CCDC178: variants seen among roughly 807,000 people sequenced by gnomAD.
CCDC178 encodes the protein coiled-coil domain containing 178.
CCDC178 carries 126 observed loss-of-function variants against 117.4 expected under a neutral mutation model. The ratio of observed to expected loss-of-function variants is 1.07; its 90% CI spans 0.93 to 1.24. The LOEUF (loss-of-function observed/expected upper bound fraction) is 1.24, where lower values mean the gene tolerates loss of function less well. Among genes scored for constraint, CCDC178 ranks in the 50% most tolerant of loss-of-function variants. The pLI, the probability that CCDC178 is intolerant of heterozygous loss-of-function variation, is 0.00. For missense variants in CCDC178, 1,030 were observed against 986.9 expected (o/e 1.04, Z -0.59); for synonymous variants, 283 against 313.4 (o/e 0.90, Z 1.02).
chr18:33,198,445 T>C (rs535840028), intron 20 of CCDC178, among the ~76,000 whole-genome samples: 2 of 152,268 alleles, frequency 1.3e-5, no homozygotes, highest in South Asian at 2.1e-4. Flanking sequence ...TTATGCAACA[T>C]TAAATTCATT....
chr18:33,229,080 T>C (rs1177256280), intron 15 of CCDC178, among the ~76,000 whole-genome samples: 6 of 152,242 alleles, frequency 3.9e-5, no homozygotes, highest in African/African-American at 1.2e-4. Flanking sequence ...GTTTAGTGTA[T>C]AGGATACTTA....
intron 5 of CCDC178, among the ~76,000 whole-genome samples, chr18:33,371,283 GTGTA>G (rs199651682): frequency 6.9e-6 from 1 of 145,218 alleles, no homozygotes; most frequent in Admixed American, 6.9e-5. Flanking sequence ...ATGTGTGTGT[GTGTA>G]TATATGTGTA....
At chr18:32,952,004 G>A (rs376460766) in intron 22 of CCDC178, among the ~76,000 whole-genome samples, 84 of 152,318 alleles carry the variant, frequency 5.5e-4, no homozygotes, top group East Asian at 3.9e-3. Context: ...TCATGCTGAC[G>A]TAAGAGGTAG....
At position 33,397,153 on chromosome 18, in the gene CCDC178, A is replaced by G. The variant is rs771602680; in HGVS notation, c.114T>C (p.Asn38=). ...TATATAATAGCTGTTGGATACCTTC[A>G]TTTGTCCTTGACCATGCCTTCTCTC... is the stretch of plus-strand genomic sequence containing the variant. ...ALREKAWSRT[N]EGNAMSQSLV... Residue 38 remains asparagine, a synonymous_variant, in exon 4 of 23, where the codon AAT becomes AAC. Transcript: ENST00000383096. 3 of 1,596,102 alleles carry G rather than the reference A, an allele frequency of 1.9e-6. No homozygotes were observed. The South Asian group carries it at 3.3e-5, about 18-fold the overall frequency.
rs139085014 is a variant in CCDC178 at position 33,042,788 on chromosome 18, A to G, written c.2388+49973T>C. On this transcript the variant is annotated intron_variant, in intron 21 of 22. Coordinates refer to ENST00000383096, the MANE Select transcript of CCDC178 (RefSeq NM_001105528.4). Reference sequence around the variant, plus strand: ...TGAGAAAAATATTACTAATTTTTGAATCAAGGTGTAGGCTGTATACTCATT... The same window carrying G: ...TGAGAAAAATATTACTAATTTTTGAGTCAAGGTGTAGGCTGTATACTCATT... 1.8e-3 allele frequency among the ~76,000 whole-genome samples: 269 copies of G among 152,106 alleles called. 2 individuals are homozygous for G. The highest frequency in any genetic ancestry group is 6.2e-3 in the African/African-American group (258 of 41,558).
In CCDC178 at chr18:33,293,161, T is replaced by A. The variant is rs1258100582; in HGVS notation, c.1174A>T (p.Met392Leu). Residue 392 changes from methionine (M) to leucine (L), a missense_variant and splice_region_variant, in exon 12 of 23, where the codon ATG becomes TTG. Coordinates refer to ENST00000383096, the MANE Select transcript of CCDC178 (RefSeq NM_001105528.4). ...TATTTCTAATATGAAAAACTCACCA[T>A]TTTTGATAGAGAATGTAATTCATTT... ...SKNELHSLSKMLEDLRRVYDQ... is the reference protein window; with the variant it reads ...SKNELHSLSKLLEDLRRVYDQ... 1 of 1,559,826 alleles carries A rather than the reference T, an allele frequency of 6.4e-7. No homozygotes were observed. Among genetic ancestry groups the A allele is most frequent in the Non-Finnish European group, 8.7e-7 (1 of 1,148,996 alleles).
intron 20 of CCDC178, among the ~76,000 whole-genome samples, chr18:33,142,702 A>G (rs2058221613): frequency 6.6e-6 from 1 of 152,204 alleles, no homozygotes; most frequent in African/African-American, 2.4e-5. Context: ...GGGCCTGTAG[A>G]ATGATATTAA....
At chr18:33,090,271 GAAT>G (rs1474447535) in intron 21 of CCDC178, among the ~76,000 whole-genome samples, 2 of 152,122 alleles carry the variant, frequency 1.3e-5, no homozygotes, top group Non-Finnish European at 2.9e-5. Flanking sequence ...TGTATAGAGA[GAAT>G]AATAGTCCCT....
At chr18:33,199,994 T>G (rs1211469925) in intron 20 of CCDC178, among the ~76,000 whole-genome samples, 5 of 152,176 alleles carry the variant, frequency 3.3e-5, no homozygotes, top group African/African-American at 7.2e-5. Context: ...GGACAATTCC[T>G]CTCACCATCA....
intron 9 of CCDC178, among the ~76,000 whole-genome samples, chr18:33,338,090 A>C (rs2062765804): frequency 6.6e-6 from 1 of 152,182 alleles, no homozygotes; most frequent in South Asian, 2.1e-4. Context: ...AAATGGGCTA[A>C]GGATATGAGT....
rs528617393 is a variant in CCDC178 at position 33,429,716 on chromosome 18, A to T, written c.-23+10246T>A. Among the ~76,000 whole-genome samples the T allele has an allele frequency of 1.9e-4, 29 of 152,212 alleles. 1 individual carries two copies. Among genetic ancestry groups the T allele is most frequent in the South Asian group, 6.2e-4 (3 of 4,836 alleles). On this transcript the variant is annotated intron_variant, in intron 2 of 22. Coordinates refer to ENST00000383096, the MANE Select transcript of CCDC178 (RefSeq NM_001105528.4). ...ACAAATGTAAAGAAAAATCACTTTT[A>T]TCTAGCAAATTTAAATTCAGATAAC...
intron 14 of CCDC178, among the ~76,000 whole-genome samples, chr18:33,251,029 G>C (rs1432943231): frequency 6.6e-6 from 1 of 151,592 alleles, no homozygotes; most frequent in African/African-American, 2.4e-5. Flanking sequence ...ATTGACACTG[G>C]ATCCAGAATA....
intron 12 of CCDC178, among the ~76,000 whole-genome samples, chr18:33,267,792 C>A (rs2059836410): frequency 6.6e-6 from 1 of 150,830 alleles, no homozygotes; most frequent in Non-Finnish European, 1.5e-5. Flanking sequence ...AATTAAATAC[C>A]TAGAAAAATA....
At chr18:33,408,974 T>C (rs925754134) in intron 3 of CCDC178, among the ~76,000 whole-genome samples, 3 of 152,258 alleles carry the variant, frequency 2.0e-5, no homozygotes, top group Admixed American at 1.3e-4. Context: ...AAAATACTAT[T>C]GGTCAGCTTG....
At chr18:33,280,254 A>C (rs1477920311) in intron 12 of CCDC178, among the ~76,000 whole-genome samples, 3 of 152,194 alleles carry the variant, frequency 2.0e-5, no homozygotes, top group Non-Finnish European at 4.4e-5. Flanking sequence ...ACAAATTTAC[A>C]AGAGAAAAAC....
At chr18:32,944,692 C>T (rs552131526) in intron 22 of CCDC178, among the ~76,000 whole-genome samples, 6 of 152,280 alleles carry the variant, frequency 3.9e-5, no homozygotes, top group East Asian at 3.9e-4. Context: ...GGTTTGGCTG[C>T]GTCCCCACCC....
chr18:33,031,847 AGATT>A (rs1255188892), intron 21 of CCDC178, among the ~76,000 whole-genome samples: 1 of 152,184 alleles, frequency 6.6e-6, no homozygotes, highest in African/African-American at 2.4e-5. Flanking sequence ...TCTCAGGCAT[AGATT>A]GAGTAAATAA....
intron 20 of CCDC178, among the ~76,000 whole-genome samples, chr18:33,129,845 G>T (rs913382413): frequency 6.6e-6 from 1 of 152,038 alleles, no homozygotes; most frequent in Admixed American, 6.6e-5. Context: ...GGAATTTTAA[G>T]TCAATTTTTG....
chr18:33,346,320 G>A lies in CCDC178; in HGVS notation c.549C>T (p.Asp183=), dbSNP rs35283321. Reference sequence around the variant, plus strand: ...TCTGTTGTTTTAAAGCTTCTTCAGCGTCTGCCCGGTCAGTTTCTAGACTTT... The same window carrying A: ...TCTGTTGTTTTAAAGCTTCTTCAGCATCTGCCCGGTCAGTTTCTAGACTTT... ...LIKSLETDRA[D]AEEALKQQRS... is the part of the protein sequence containing the mutation. The change falls in exon 9 of 23, where the codon GAC becomes GAT. Residue 183 remains aspartate, a synonymous_variant. Coordinates refer to ENST00000383096, the MANE Select transcript of CCDC178 (RefSeq NM_001105528.4). 9,893 of 1,612,946 alleles carry A rather than the reference G, an allele frequency of 6.1e-3. 56 individuals carry two copies. The highest frequency in any genetic ancestry group is 0.023 in the African/African-American group (1,698 of 74,936).
Sources: gnomAD v4.1 joint callset for allele counts (sites outside exome capture counted in the v4.1 genomes callset) on GRCh38, gnomAD v4.1.1 for gene constraint, MANE v1.5 for transcripts, NCBI Gene and HGNC (gene_info 2026-07-23, HGNC 2026-07-21) for gene names.